The following SCAI variants were observed in gnomAD, a reference collection of about 807,000 sequenced individuals.
SCAI encodes the protein suppressor of cancer cell invasion, also known as protein SCAI.
Under a neutral mutation model 92.2 loss-of-function variants are expected in SCAI, and 24 were observed. That is an observed-to-expected ratio of 0.26 (90% CI 0.19 to 0.37). The LOEUF is 0.37. Among genes scored for constraint, SCAI ranks in the 10% least tolerant of loss-of-function variants. The pLI, the probability that SCAI is intolerant of heterozygous loss-of-function variation, is 1.00. For synonymous variants in SCAI, 261 were observed against 258.6 expected (o/e 1.01, Z -0.09); for missense variants, 450 against 736.2 (o/e 0.61, Z 4.50).
intron 2 of SCAI, among the ~76,000 whole-genome samples, chr9:125,130,168 G>A (rs779471319): frequency 1.3e-5 from 2 of 152,082 alleles, no homozygotes; most frequent in African/African-American, 2.4e-5. Flanking sequence ...CAAAGTGCTG[G>A]GATTACAGGC....
chr9:125,109,151 T>G (rs966673616), intron 2 of SCAI, among the ~76,000 whole-genome samples: 2 of 152,192 alleles, frequency 1.3e-5, no homozygotes, highest in African/African-American at 4.8e-5. Flanking sequence ...AACAGATGCT[T>G]GAAGGCAGCA....
At chr9:125,013,205 C>G (rs1395147289) in intron 9 of SCAI, among the ~76,000 whole-genome samples, 9 of 150,448 alleles carry the variant, frequency 6.0e-5, no homozygotes, top group Admixed American at 6.6e-5. Context: ...GAAATAGAGA[C>G]ACAAAAAACC....
At chr9:125,026,174 C>T (rs1225729201) in intron 6 of SCAI, among the ~76,000 whole-genome samples, 2 of 152,124 alleles carry the variant, frequency 1.3e-5, no homozygotes, top group Non-Finnish European at 2.9e-5. Context: ...AGTTGAAGAC[C>T]AGCCTGGCCA....
At chr9:125,098,576 C>T (rs1197411822) in intron 2 of SCAI, among the ~76,000 whole-genome samples, 1 of 152,052 alleles carries the variant, frequency 6.6e-6, no homozygotes. Context: ...TGTTACATAT[C>T]GAACATTTTG....
intron 3 of SCAI, among the ~76,000 whole-genome samples, chr9:125,047,953 A>G (rs1833479368): frequency 2.0e-5 from 3 of 151,982 alleles, no homozygotes; most frequent in South Asian, 4.2e-4. Context: ...GCTTATATTA[A>G]ATTTCTATTA....
rs566974382 is a variant in SCAI, at chr9:124,943,807, A to G, written c.*9000T>C. On this transcript the variant is annotated 3_prime_UTR_variant, in exon 18 of 18. Transcript: ENST00000336505. ...TTAGAACTTAAAAAAGGGAAACTCA[A>G]CCTTCCAATGGAAACTGCTCAGAGG... The G allele has an allele frequency of 5.9e-5, 9 of 152,300 alleles. No individual in the cohort carries two copies. The highest frequency in any genetic ancestry group is 1.7e-4 in the African/African-American group (7 of 41,564). The allele number at this position is 152,300 out of a possible 1,614,324, so 9.4% of individuals were successfully genotyped here.
At chr9:125,026,965 G>A in intron 5 of SCAI, 55 bp from the exon 6 acceptor site, 6 of 1,011,470 alleles carry the variant, frequency 5.9e-6, no homozygotes, top group South Asian at 1.4e-5. Flanking sequence ...CTTCACCATG[G>A]TAAATACTTG....
intron 2 of SCAI, 100 bp downstream of exon 2, chr9:125,142,533 A>G: frequency 1.2e-6 from 1 of 866,214 alleles, no homozygotes. Context: ...GGGATAAATA[A>G]GAAACTTCAT....
In SCAI at chr9:124,967,841, C is replaced by T. The variant is rs3824506; in HGVS notation, c.1674+3529G>A. 0.018 allele frequency among the ~76,000 whole-genome samples: 2,716 copies of T among 152,226 alleles called. 162 individuals carry two copies. In the East Asian group the frequency reaches 0.23, roughly 13 times the overall value. ...AGAAGTGCTTCCACTTTGAAAGAAG[C>T]CCAGGAACATTGTAGCCTACCCGTT... On this transcript the variant is annotated intron_variant, in intron 17 of 17. Coordinates refer to ENST00000336505, the MANE Select transcript of SCAI (RefSeq NM_001144877.3).
At chr9:124,985,635 A>G (rs763325724) in intron 14 of SCAI, among the ~76,000 whole-genome samples, 11 of 152,186 alleles carry the variant, frequency 7.2e-5, no homozygotes, top group Non-Finnish European at 1.0e-4. Flanking sequence ...TGGGAGGCAG[A>G]GGCGGGCAGA....
rs2131565512 is a variant in SCAI at position 124,951,204 on chromosome 9, G to A, written c.*1603C>T. The A allele has an allele frequency of 6.6e-6, 1 of 150,582 alleles. No homozygotes were observed. The highest frequency in any genetic ancestry group is 3.5e-3 in the Middle Eastern group (1 of 286). The allele number at this position is 150,582 out of a possible 1,614,324, so 9.3% of individuals were successfully genotyped here. A position where few individuals can be genotyped will look rare whatever the true frequency, so the allele number is the denominator to read the frequency against. ...CCAAATTAGTCTCTATGCCAGAAAT[G>A]AAAACCAAGTTAAAAATAATAGCCA... is the stretch of plus-strand genomic sequence containing the variant. On this transcript the variant is annotated 3_prime_UTR_variant, in exon 18 of 18. Coordinates refer to ENST00000336505, the MANE Select transcript of SCAI (RefSeq NM_001144877.3).
chr9:125,046,567 G>C (rs2131120483), intron 3 of SCAI, among the ~76,000 whole-genome samples: 1 of 150,350 alleles, frequency 6.7e-6, no homozygotes, highest in South Asian at 2.1e-4. Context: ...GGGTAGGAGG[G>C]GCGTGAGGAA....
intron 2 of SCAI, among the ~76,000 whole-genome samples, chr9:125,097,847 G>A (rs1272440338): frequency 1.3e-5 from 2 of 151,428 alleles, no homozygotes; most frequent in East Asian, 3.9e-4. Context: ...AATAGCAATG[G>A]AAACTTCAAT....
In SCAI at chr9:125,003,588, AC is replaced by A. The variant is rs750075978; in HGVS notation, c.862-19del. 11 of 1,492,386 alleles carry A rather than the reference AC, an allele frequency of 7.4e-6. No homozygotes were observed. Among genetic ancestry groups the A allele is most frequent in the Non-Finnish European group, 1.0e-5 (11 of 1,075,036 alleles). 92.4% of individuals were successfully genotyped at this position (1,492,386 alleles called of 1,614,324 possible). A position where few individuals can be genotyped will look rare whatever the true frequency, so the allele number is the denominator to read the frequency against. On this transcript the variant is annotated intron_variant, in intron 9 of 17. Transcript: ENST00000336505. ...AACTTAACCTGCAAGAAAAAAAAAA[AC>A]AAACACAACCTAGCCTTAATGCAAC...
At chr9:124,975,859 G>A (rs767259743) in intron 15 of SCAI, among the ~76,000 whole-genome samples, 6 of 152,100 alleles carry the variant, frequency 3.9e-5, no homozygotes, top group Non-Finnish European at 8.8e-5. Flanking sequence ...TACAAATCAT[G>A]AGTTCCCCAT....
intron 2 of SCAI, among the ~76,000 whole-genome samples, chr9:125,110,547 T>A (rs537156828): frequency 1.3e-5 from 2 of 152,214 alleles, no homozygotes; most frequent in South Asian, 4.2e-4. Flanking sequence ...TGGGAGGGAA[T>A]TGGATCATGG....
At chr9:124,992,396 T>TTG (rs1554778212) in intron 14 of SCAI, among the ~76,000 whole-genome samples, 1 of 151,986 alleles carries the variant, frequency 6.6e-6, no homozygotes, top group Admixed American at 6.6e-5. Context: ...CTTTTTTTTT[T>TTG]TTGTTGAGAC....
At chr9:125,070,008 C>T (rs1225356082) in intron 2 of SCAI, among the ~76,000 whole-genome samples, 2 of 152,096 alleles carry the variant, frequency 1.3e-5, no homozygotes, top group Admixed American at 6.6e-5. Context: ...CATGTCTCAG[C>T]TGTAAAAATG....
In SCAI at chr9:125,045,102, C is replaced by T. The variant is rs181174889; in HGVS notation, c.230+10774G>A. On this transcript the variant is annotated intron_variant, in intron 3 of 17. Transcript: ENST00000336505. ...AAGCACAACCTGCCAGGCTGAGTAGCGGGAACAAGCCCAGTGAGCCCAAGC... is the reference window on the plus strand; with the variant it reads ...AAGCACAACCTGCCAGGCTGAGTAGTGGGAACAAGCCCAGTGAGCCCAAGC... Among the ~76,000 whole-genome samples, 301 of 152,274 alleles carry T rather than the reference C, an allele frequency of 2.0e-3. 1 individual carries two copies. Among genetic ancestry groups the T allele is most frequent in the African/African-American group, 6.9e-3 (286 of 41,546 alleles).
Sources: allele counts gnomAD v4.1 joint callset (sites outside exome capture counted in the v4.1 genomes callset), GRCh38; gene constraint gnomAD v4.1.1; transcripts MANE v1.5; gene names NCBI Gene and HGNC (gene_info 2026-07-23, HGNC 2026-07-21).